The following ANO4 variants were observed in gnomAD, a reference collection of about 807,000 sequenced individuals.
The protein encoded by ANO4 is anoctamin-4.
Under a neutral mutation model 141.9 loss-of-function variants are expected in ANO4, and 69 were observed. The observed-to-expected ratio is 0.49, with a 90% CI of 0.40 to 0.59. ANO4 has a LOEUF of 0.59. Ranked by LOEUF, ANO4 falls within the 20% of genes least tolerant of loss-of-function variation. The pLI, the probability that ANO4 is intolerant of heterozygous loss-of-function variation, is 0.00. For synonymous variants in ANO4, 350 were observed against 394.3 expected (o/e 0.89, Z 1.33); for missense variants, 894 against 1,162.2 (o/e 0.77, Z 3.36).
intron 1 of ANO4, among the ~76,000 whole-genome samples, chr12:100,828,579 G>A (rs2036482077): frequency 6.6e-6 from 1 of 151,962 alleles, no homozygotes; most frequent in Non-Finnish European, 1.5e-5. Flanking sequence ...GAAAATAATA[G>A]CCCATGCGGT....
chr12:100,867,612 TCA>T (rs35222532), intron 1 of ANO4, among the ~76,000 whole-genome samples: 105,136 of 149,832 alleles, frequency 0.7, 36,996 homozygotes, highest in Admixed American at 0.78. Flanking sequence ...TCTCTCTCTC[TCA>T]CACACACACA....
At chr12:100,910,329 T>G (rs1435081567) in intron 2 of ANO4, among the ~76,000 whole-genome samples, 6 of 152,194 alleles carry the variant, frequency 3.9e-5, no homozygotes, top group Non-Finnish European at 7.4e-5. Context: ...CATTTAGCAG[T>G]TTCCCAGTTA....
chr12:101,117,738 C>T (rs917107689), intron 25 of ANO4, among the ~76,000 whole-genome samples: 5 of 152,162 alleles, frequency 3.3e-5, no homozygotes, highest in Admixed American at 3.3e-4. Context: ...GATTCCCTAT[C>T]ATGACATTCT....
intron 1 of ANO4, among the ~76,000 whole-genome samples, chr12:100,840,830 A>T (rs774717119): frequency 1.3e-5 from 2 of 152,164 alleles, no homozygotes; most frequent in Non-Finnish European, 2.9e-5. Flanking sequence ...GGCCAAAGGC[A>T]TCTATTAGGC....
At chr12:100,750,298 A>T (rs948605141) in intron 3 of ANO4, among the ~76,000 whole-genome samples, 2 of 135,372 alleles carry the variant, frequency 1.5e-5, no homozygotes, top group African/African-American at 5.5e-5. Flanking sequence ...CACCTGGCTA[A>T]TTTTTTTTTT....
intron 1 of ANO4, among the ~76,000 whole-genome samples, chr12:100,878,633 G>A (rs990425928): frequency 7.9e-5 from 12 of 152,136 alleles, no homozygotes; most frequent in African/African-American, 2.9e-4. Flanking sequence ...TTTTCCTGAA[G>A]CTATTGGAAT....
At chr12:100,766,292 C>CTCAGT (rs1555215273) in intron 3 of ANO4, among the ~76,000 whole-genome samples, 2 of 151,702 alleles carry the variant, frequency 1.3e-5, no homozygotes, top group African/African-American at 2.4e-5. Context: ...TGACTTTGGG[C>CTCAGT]TTAGTCTTCT....
chr12:100,748,408 G>C (rs115040634), intron 3 of ANO4, among the ~76,000 whole-genome samples: 2,215 of 152,270 alleles, frequency 0.015, 37 homozygotes, highest in African/African-American at 0.05. Flanking sequence ...GACACTCCTT[G>C]TCCTGTCCCT....
chr12:100,920,657 C>T (rs2041588890), intron 2 of ANO4, among the ~76,000 whole-genome samples: 1 of 152,132 alleles, frequency 6.6e-6, no homozygotes. Context: ...GAGGCAGCTG[C>T]ATTAGTGCAT....
At chr12:101,024,692 T>C (rs1713782067) in intron 9 of ANO4, among the ~76,000 whole-genome samples, 1 of 152,174 alleles carries the variant, frequency 6.6e-6, no homozygotes, top group Admixed American at 6.5e-5. Flanking sequence ...TGATGAGATA[T>C]GTAGAATTCC....
At chr12:100,970,969 C>A (rs2043909537) in intron 5 of ANO4, among the ~76,000 whole-genome samples, 2 of 152,180 alleles carry the variant, frequency 1.3e-5, no homozygotes, top group Admixed American at 1.3e-4. Flanking sequence ...TCTGCCTCAG[C>A]CTCCCAAACT....
chr12:101,110,402 A>T lies in ANO4; in HGVS notation c.2150-2A>T, dbSNP rs1336557222. 8 of 1,599,412 alleles carry T rather than the reference A, an allele frequency of 5.0e-6. No homozygotes were observed. The Admixed American group carries it at 7.1e-5, about 14-fold the overall frequency. On this transcript the variant is annotated splice_acceptor_variant, in intron 22 of 27. Coordinates refer to ENST00000392977, the MANE Select transcript of ANO4 (RefSeq NM_001286615.2). LOFTEE classifies it high-confidence loss of function. Reference sequence around the variant, plus strand: ...TGCTCTTTTTCCTTTTTTCTTTTCTAGTTCTTCAGTTTGGATTCACAACTA... The same window carrying T: ...TGCTCTTTTTCCTTTTTTCTTTTCTTGTTCTTCAGTTTGGATTCACAACTA...
intron 1 of ANO4, among the ~76,000 whole-genome samples, chr12:100,805,481 T>G (rs2034955539): frequency 6.6e-6 from 1 of 152,234 alleles, no homozygotes; most frequent in Non-Finnish European, 1.5e-5. Context: ...TTTCTAATTT[T>G]GTGAAGAATG....
chr12:100,844,106 T>C (rs779914662), intron 1 of ANO4, among the ~76,000 whole-genome samples: 12 of 152,004 alleles, frequency 7.9e-5, no homozygotes, highest in Non-Finnish European at 1.8e-4. Flanking sequence ...CCTGCCTTCA[T>C]GGAGTGTACA....
At chr12:101,027,115 C>T (rs980081636) in intron 9 of ANO4, among the ~76,000 whole-genome samples, 1 of 152,160 alleles carries the variant, frequency 6.6e-6, no homozygotes, top group Non-Finnish European at 1.5e-5. Flanking sequence ...GGCAGCCCGT[C>T]TGAGAGCCAC....
chr12:100,813,461 T>C (rs1394449789), intron 1 of ANO4, among the ~76,000 whole-genome samples: 2 of 152,216 alleles, frequency 1.3e-5, no homozygotes, highest in African/African-American at 4.8e-5. Context: ...TTTTCCATTT[T>C]AGCAAAGCAA....
intron 1 of ANO4, among the ~76,000 whole-genome samples, chr12:100,833,462 A>T (rs2036740752): frequency 6.6e-6 from 1 of 152,062 alleles, no homozygotes; most frequent in African/African-American, 2.4e-5. Context: ...TCCATTCCTG[A>T]GTCATAGTCA....
chr12:100,925,258 C>T (rs1463701151), intron 3 of ANO4, among the ~76,000 whole-genome samples: 1 of 151,998 alleles, frequency 6.6e-6, no homozygotes, highest in East Asian at 1.9e-4. Flanking sequence ...TAGCTTGGTA[C>T]TTTAAGGGAC....
At chr12:101,092,316 A>G (rs1566237168) in intron 17 of ANO4, among the ~76,000 whole-genome samples, 1 of 152,202 alleles carries the variant, frequency 6.6e-6, no homozygotes. Context: ...AAGTAGAAGT[A>G]CACACAGCTT....
Sources: allele counts gnomAD v4.1 joint callset (sites outside exome capture counted in the v4.1 genomes callset), GRCh38; gene constraint gnomAD v4.1.1; transcripts MANE v1.5; gene names NCBI Gene and HGNC (gene_info 2026-07-23, HGNC 2026-07-21).